Variants in FAM13B observed in about 807,000 individuals in gnomAD.
FAM13B encodes the protein protein FAM13B.
Under a neutral mutation model 117.3 loss-of-function variants are expected in FAM13B, and 60 were observed. That is an observed-to-expected ratio of 0.51 (90% CI 0.42 to 0.63). FAM13B has a LOEUF of 0.63. Ranked by LOEUF, FAM13B falls within the 30% of genes least tolerant of loss-of-function variation. The pLI is 0.00. For synonymous variants in FAM13B, 332 were observed against 356.1 expected, an observed-to-expected ratio of 0.93 and a Z score of 0.76; for missense variants, 972 against 1,091.9, an observed-to-expected ratio of 0.89 and a Z score of 1.55.
chr5:137,973,686 A>C (rs1320449073), intron 10 of FAM13B, among the ~76,000 whole-genome samples: 3 of 151,366 alleles, frequency 2.0e-5, no homozygotes, highest in Non-Finnish European at 4.4e-5. Context: ...AATGGGAGAA[A>C]ATTTTCACAA....
chr5:137,956,579 T>C, intron 13 of FAM13B, 37 bp from the exon 14 acceptor site: 1 of 1,480,762 alleles, frequency 6.8e-7, no homozygotes, highest in Non-Finnish European at 9.3e-7. Flanking sequence ...AATACTAAAG[T>C]GAACACACAG....
At chr5:138,038,458 A>G (rs1312309743) in intron 1 of FAM13B, 2 of 152,236 alleles carry the variant, frequency 1.3e-5, no homozygotes, top group Non-Finnish European at 2.9e-5. Flanking sequence ...AATTCAGTCA[A>G]ACTCAGCTAA....
At chr5:137,968,554 T>A (rs1212205865) in intron 10 of FAM13B, among the ~76,000 whole-genome samples, 3 of 152,150 alleles carry the variant, frequency 2.0e-5, no homozygotes, top group African/African-American at 7.2e-5. Context: ...CACATAAAGC[T>A]GTTTATGTGA....
intron 1 of FAM13B, among the ~76,000 whole-genome samples, chr5:138,042,828 A>G (rs945595162): frequency 6.6e-6 from 1 of 152,162 alleles, no homozygotes; most frequent in African/African-American, 2.4e-5. Context: ...GCGGTGGGTC[A>G]TGCCTATAAT....
chr5:138,034,041 G>GTC (rs1211397332), upstream of FAM13B: 1 of 152,226 alleles, frequency 6.6e-6, no homozygotes, highest in African/African-American at 2.4e-5. Context: ...AGGCCACAGT[G>GTC]TCTCCCACAT....
intron 10 of FAM13B, among the ~76,000 whole-genome samples, chr5:137,963,583 G>A (rs1768781933): frequency 6.6e-6 from 1 of 152,178 alleles, no homozygotes; most frequent in East Asian, 1.9e-4. Context: ...GACCCAAAGT[G>A]TGAGAACCAC....
intron 4 of FAM13B, among the ~76,000 whole-genome samples, chr5:138,014,401 T>C (rs1253410915): frequency 6.6e-6 from 1 of 152,218 alleles, no homozygotes; most frequent in Non-Finnish European, 1.5e-5. Flanking sequence ...TAGATTCTCA[T>C]AGGAGCAAGA....
rs367847978 is a variant in FAM13B at position 137,948,959 on chromosome 5, A to G, written c.2156T>C (p.Ile719Thr). 1.1e-5 allele frequency: 17 copies of G among 1,611,460 alleles called. No individual in the cohort carries two copies. The highest frequency in any genetic ancestry group is 5.0e-5 in the Admixed American group (3 of 59,878). Residue 719 changes from isoleucine (I) to threonine (T), a missense_variant, in exon 18 of 24, where the codon ATC becomes ACC. Coordinates refer to ENST00000689681, the MANE Select transcript of FAM13B (RefSeq NM_001385994.1). ...AAAATCATAGCTCAAGATTACCTTG[A>G]TATCTTCTGGAAGACACCTCTCAAT... is the stretch of plus-strand genomic sequence containing the variant. ...KRIERCLPED[I>T]KKMTKDHLVE...
intron 1 of FAM13B, among the ~76,000 whole-genome samples, chr5:138,027,244 T>C (rs972837691): frequency 6.6e-6 from 1 of 152,106 alleles, no homozygotes; most frequent in Non-Finnish European, 1.5e-5. Flanking sequence ...TAGGATACAA[T>C]TCACATAGAA....
intron 15 of FAM13B, 124 bp downstream of exon 15, chr5:137,954,042 T>A (rs1164739130): frequency 9.1e-6 from 1 of 109,664 alleles, no homozygotes; most frequent in Admixed American, 1.1e-4. Flanking sequence ...AATCTCTCTC[T>A]TTTTTTTTTT....
chr5:137,967,446 C>G (rs1324804472), intron 10 of FAM13B, among the ~76,000 whole-genome samples: 1 of 152,046 alleles, frequency 6.6e-6, no homozygotes, highest in Non-Finnish European at 1.5e-5. Flanking sequence ...CTGCTTGAAC[C>G]CAGGAGGCGG....
chr5:138,029,244 T>C (rs943881840), intron 1 of FAM13B, among the ~76,000 whole-genome samples: 2 of 152,344 alleles, frequency 1.3e-5, no homozygotes, highest in Middle Eastern at 3.4e-3. Flanking sequence ...TCAAAGTTAC[T>C]GAATTAGCAA....
intron 4 of FAM13B, among the ~76,000 whole-genome samples, chr5:138,012,160 A>G (rs1561528910): frequency 6.6e-6 from 1 of 151,282 alleles, no homozygotes. Context: ...AAGGAACTCA[A>G]TCCCTTAATT....
intron 14 of FAM13B, 129 bp from the exon 15 acceptor site, chr5:137,954,505 TACACACACAC>T (rs111423475): frequency 1.4e-5 from 6 of 416,830 alleles, no homozygotes; most frequent in Admixed American, 8.0e-5. Context: ...CATACACACA[TACACACACAC>T]ACACACACAT....
chr5:138,014,626 A>G lies in FAM13B; in HGVS notation c.371-2681T>C, dbSNP rs115296079. Among the ~76,000 whole-genome samples the G allele has an allele frequency of 3.8e-3, 577 of 152,362 alleles. 1 individual carries two copies. Among genetic ancestry groups the G allele is most frequent in the Non-Finnish European group, 6.0e-3 (409 of 68,032 alleles). Reference sequence around the variant, plus strand: ...CTAGCACACAGCAGATGTTCAATAAACATTAGTTGAATTCACTGAATGAAT... The same window carrying G: ...CTAGCACACAGCAGATGTTCAATAAGCATTAGTTGAATTCACTGAATGAAT... On this transcript the variant is annotated intron_variant, in intron 4 of 23. Transcript: ENST00000689681.
chr5:137,962,820 G>A (rs1023498582), intron 10 of FAM13B, among the ~76,000 whole-genome samples: 1 of 151,950 alleles, frequency 6.6e-6, no homozygotes, highest in African/African-American at 2.4e-5. Flanking sequence ...AAAGATACAA[G>A]TTTGGTGACT....
chr5:137,959,232 G>C (rs1317224356), intron 13 of FAM13B, among the ~76,000 whole-genome samples: 1 of 152,122 alleles, frequency 6.6e-6, no homozygotes, highest in African/African-American at 2.4e-5. Context: ...TGATACTAAG[G>C]ACAAGGTAAT....
rs561843547 is a variant in FAM13B at position 137,939,024 on chromosome 5, T to C, written c.*1201A>G. The C allele has an allele frequency of 6.6e-6, 1 of 152,178 alleles. No homozygotes were observed. The highest frequency in any genetic ancestry group is 2.1e-4 in the South Asian group (1 of 4,822). The allele number at this position is 152,178 out of a possible 1,614,324, so 9.4% of individuals were successfully genotyped here. ...TCTGTAACAATGATTAGCAGAATGATACCGAGACAGTACCTGAAGAAAAGC... is the reference window on the plus strand; with the variant it reads ...TCTGTAACAATGATTAGCAGAATGACACCGAGACAGTACCTGAAGAAAAGC... On this transcript the variant is annotated 3_prime_UTR_variant, in exon 24 of 24. Coordinates refer to ENST00000689681, the MANE Select transcript of FAM13B (RefSeq NM_001385994.1).
intron 5 of FAM13B, 92 bp from the exon 6 acceptor site, chr5:138,011,241 G>T: frequency 1.7e-6 from 2 of 1,158,684 alleles, no homozygotes; most frequent in Non-Finnish European, 1.2e-6. Flanking sequence ...ATGAACATGG[G>T]CAATTTATGT....
Sources: allele counts gnomAD v4.1 joint callset (sites outside exome capture counted in the v4.1 genomes callset), GRCh38; gene constraint gnomAD v4.1.1; transcripts MANE v1.5; gene names NCBI Gene and HGNC (gene_info 2026-07-23, HGNC 2026-07-21).